The following KCNU1 variants were observed in gnomAD, a reference collection of about 807,000 sequenced individuals.
The protein encoded by KCNU1 is potassium calcium-activated channel subfamily U member 1, also known as potassium channel subfamily U member 1.
KCNU1 carries 93 observed loss-of-function variants against 126.8 expected under a neutral mutation model. That is an observed-to-expected ratio of 0.73 (90% CI 0.62 to 0.87). The LOEUF (loss-of-function observed/expected upper bound fraction) is 0.87, where lower values mean the gene tolerates loss of function less well. Ranked by LOEUF, KCNU1 falls within the 40% of genes least tolerant of loss-of-function variation. The pLI is 0.00. For synonymous variants in KCNU1, 523 were observed against 494.2 expected (o/e 1.06, Z -0.77); for missense variants, 1,330 against 1,367.1 (o/e 0.97, Z 0.43).
rs183854258 is a variant in KCNU1 at position 36,827,368 on chromosome 8, G to T, written c.1107-6186G>T. Reference sequence around the variant, plus strand: ...GAAAAGATATCAAACCCTTCATTTTGTATGTCAGGGGAACTGCACTTTTTT... The same window carrying T: ...GAAAAGATATCAAACCCTTCATTTTTTATGTCAGGGGAACTGCACTTTTTT... On this transcript the variant is annotated intron_variant, in intron 10 of 26. Transcript: ENST00000399881. Among the ~76,000 whole-genome samples the T allele has an allele frequency of 4.5e-3, 681 of 152,202 alleles. 6 individuals are homozygous for T. Among genetic ancestry groups the T allele is most frequent in the Middle Eastern group, 6.8e-3 (2 of 294 alleles).
chr8:36,821,794 T>C (rs1804137126), intron 10 of KCNU1, among the ~76,000 whole-genome samples: 1 of 152,056 alleles, frequency 6.6e-6, no homozygotes, highest in East Asian at 1.9e-4. Context: ...TATACTCACT[T>C]TCAGTGCAGT....
At chr8:36,847,071 C>T (rs1342171913) in intron 18 of KCNU1, among the ~76,000 whole-genome samples, 1 of 152,142 alleles carries the variant, frequency 6.6e-6, no homozygotes, top group Non-Finnish European at 1.5e-5. Flanking sequence ...TACCTTCTGT[C>T]ACCTCTGCAT....
At chr8:36,927,822 A>G (rs894508043) in intron 24 of KCNU1, among the ~76,000 whole-genome samples, 33 of 152,228 alleles carry the variant, frequency 2.2e-4, no homozygotes, top group African/African-American at 7.9e-4. Context: ...TATTAGAAAC[A>G]TTGACCAAAT....
intron 10 of KCNU1, among the ~76,000 whole-genome samples, chr8:36,830,476 A>G (rs945153988): frequency 1.3e-5 from 2 of 151,920 alleles, no homozygotes; most frequent in Admixed American, 1.3e-4. Flanking sequence ...TTGTTTTTTA[A>G]TTTGTTAATG....
At chr8:36,837,763 C>A (rs929506028) in intron 14 of KCNU1, among the ~76,000 whole-genome samples, 1 of 152,192 alleles carries the variant, frequency 6.6e-6, no homozygotes, top group Non-Finnish European at 1.5e-5. Flanking sequence ...ATGCTCCAGG[C>A]AAGGTGTGCT....
At chr8:36,858,274 G>A (rs1385323434) in intron 18 of KCNU1, among the ~76,000 whole-genome samples, 4 of 148,810 alleles carry the variant, frequency 2.7e-5, no homozygotes, top group African/African-American at 9.9e-5. Context: ...TAATTCAACT[G>A]AATGCCTGAA....
intron 23 of KCNU1, among the ~76,000 whole-genome samples, chr8:36,921,409 T>C (rs556787267): frequency 1.3e-5 from 2 of 152,232 alleles, no homozygotes; most frequent in Admixed American, 6.5e-5. Context: ...ACAAACGTTC[T>C]TGAAAGAAGA....
At position 36,841,063 on chromosome 8, in the gene KCNU1, G is replaced by A. The variant is rs1453764090; in HGVS notation, c.1703+60G>A. ...TTTTTTTTTTTTTTTTTTTCCTGGA[G>A]ATTCTTTGTGATTAAGAATTTTTCC... On this transcript the variant is annotated intron_variant, in intron 16 of 26. Transcript: ENST00000399881. 17 of 989,056 alleles carry A rather than the reference G, an allele frequency of 1.7e-5. No homozygotes were observed. In the Admixed American group the frequency reaches 3.4e-4, roughly 19 times the overall value. 61.3% of individuals were successfully genotyped at this position (989,056 alleles called of 1,614,324 possible).
At chr8:36,851,630 T>C (rs1045092080) in intron 18 of KCNU1, among the ~76,000 whole-genome samples, 10 of 152,202 alleles carry the variant, frequency 6.6e-5, no homozygotes, top group Admixed American at 2.0e-4. Context: ...TCCTCTTTAA[T>C]TTCTTGAAAC....
At chr8:36,921,675 A>C (rs1272236447) in intron 23 of KCNU1, among the ~76,000 whole-genome samples, 2 of 151,710 alleles carry the variant, frequency 1.3e-5, no homozygotes, top group South Asian at 4.2e-4. Flanking sequence ...AAAAAAAAAA[A>C]AAAAAGAAGA....
intron 10 of KCNU1, among the ~76,000 whole-genome samples, chr8:36,832,655 G>C (rs537540038): frequency 1.3e-5 from 2 of 151,642 alleles, no homozygotes; most frequent in Admixed American, 6.6e-5. Context: ...TGCCTATTAT[G>C]CTAGGTTATT....
chr8:36,841,346 C>A (rs1455381762), intron 16 of KCNU1, among the ~76,000 whole-genome samples: 2 of 152,098 alleles, frequency 1.3e-5, no homozygotes, highest in African/African-American at 4.8e-5. Context: ...AATAATACCA[C>A]AAAATTGAAT....
chr8:36,882,732 C>T (rs562131091), intron 19 of KCNU1, among the ~76,000 whole-genome samples: 41 of 152,046 alleles, frequency 2.7e-4, no homozygotes, highest in South Asian at 1.2e-3. Flanking sequence ...TACAGGCATG[C>T]GCCACCACAC....
intron 19 of KCNU1, among the ~76,000 whole-genome samples, chr8:36,873,715 T>C (rs1289342010): frequency 6.6e-6 from 1 of 152,166 alleles, no homozygotes; most frequent in Non-Finnish European, 1.5e-5. Context: ...GCTTTACAAG[T>C]TGGCAGCTCT....
intron 19 of KCNU1, among the ~76,000 whole-genome samples, chr8:36,897,881 C>T (rs547784121): frequency 1.3e-5 from 2 of 152,208 alleles, no homozygotes; most frequent in South Asian, 4.1e-4. Context: ...TTGTGTAACA[C>T]ACAGATGGGG....
intron 2 of KCNU1, among the ~76,000 whole-genome samples, chr8:36,793,596 C>T (rs1802982365): frequency 1.3e-5 from 2 of 152,160 alleles, no homozygotes; most frequent in Non-Finnish European, 2.9e-5. Context: ...CAAATGTGCT[C>T]TCCAATTTTT....
chr8:36,814,519 A>G, intron 8 of KCNU1, 142 bp downstream of exon 8: 1 of 635,254 alleles, frequency 1.6e-6, no homozygotes, highest in Non-Finnish European at 2.7e-6. Flanking sequence ...GAAAACATGC[A>G]CAGATCCCAT....
At chr8:36,804,233 G>A in intron 3 of KCNU1, 145 bp downstream of exon 3, 1 of 637,866 alleles carries the variant, frequency 1.6e-6, no homozygotes. Flanking sequence ...TGATATGTTT[G>A]GCTTCTCCCA....
intron 22 of KCNU1, among the ~76,000 whole-genome samples, chr8:36,912,845 G>A (rs954190487): frequency 7.5e-5 from 11 of 146,384 alleles, no homozygotes; most frequent in African/African-American, 2.3e-4. Flanking sequence ...GCGCACGCCT[G>A]TAATCCCAGC....
Sources: gnomAD v4.1 joint callset for allele counts (sites outside exome capture counted in the v4.1 genomes callset) on GRCh38, gnomAD v4.1.1 for gene constraint, MANE v1.5 for transcripts, NCBI Gene and HGNC (gene_info 2026-07-23, HGNC 2026-07-21) for gene names.